RAB38: variants seen among roughly 807,000 people sequenced by gnomAD.
The protein encoded by RAB38 is ras-related protein Rab-38.
RAB38 carries 15 observed loss-of-function variants against 18.4 expected under a neutral mutation model. The observed-to-expected ratio is 0.82, with a 90% CI of 0.55 to 1.26. The LOEUF is 1.26. Among genes scored for constraint, RAB38 ranks in the 50% most tolerant of loss-of-function variants. The pLI, the probability that RAB38 is intolerant of heterozygous loss-of-function variation, is 0.00. For synonymous variants in RAB38, 101 were observed against 104.4 expected, an observed-to-expected ratio of 0.97 and a Z score of 0.20; for missense variants, 294 against 267.4, an observed-to-expected ratio of 1.10 and a Z score of -0.69.
chr11:87,912,675 T>G, the RAB38 span, among the ~76,000 whole-genome samples: 1 of 151,580 alleles, frequency 6.6e-6, no homozygotes, highest in South Asian at 2.1e-4. Flanking sequence ...GATGATTTTC[T>G]CTATTGCTTT....
chr11:88,033,612 C>G, the RAB38 span, among the ~76,000 whole-genome samples: 51 of 151,208 alleles, frequency 3.4e-4, no homozygotes, highest in African/African-American at 1.2e-3. Flanking sequence ...GTCAACGTTT[C>G]CAGTTGTGTT....
At chr11:88,042,719 G>T in the RAB38 span, among the ~76,000 whole-genome samples, 1 of 152,168 alleles carries the variant, frequency 6.6e-6, no homozygotes, top group South Asian at 2.1e-4. Context: ...CAAGCCAGAG[G>T]AGAGTGCAGA....
chr11:88,087,410 T>A, the RAB38 span, among the ~76,000 whole-genome samples: 309 of 152,094 alleles, frequency 2.0e-3, no homozygotes, highest in Non-Finnish European at 3.3e-3. Context: ...TTTACAGGCA[T>A]GGCACTGATG....
chr11:87,947,561 TTGTATA>T, the RAB38 span, among the ~76,000 whole-genome samples: 2 of 152,060 alleles, frequency 1.3e-5, no homozygotes, highest in South Asian at 4.2e-4. Flanking sequence ...GAATTAATTT[TTGTATA>T]AAGTGTAAGG....
At chr11:87,967,581 A>G in the RAB38 span, among the ~76,000 whole-genome samples, 1 of 152,188 alleles carries the variant, frequency 6.6e-6, no homozygotes, top group Non-Finnish European at 1.5e-5. Context: ...AATGCAATAC[A>G]TTAAGAGAAC....
the RAB38 span, among the ~76,000 whole-genome samples, chr11:87,851,397 T>A: frequency 6.6e-6 from 1 of 152,186 alleles, no homozygotes; most frequent in Admixed American, 6.5e-5. Context: ...CACAAGTTAT[T>A]TTTTCCCCAC....
chr11:87,867,896 T>C, the RAB38 span, among the ~76,000 whole-genome samples: 2 of 151,616 alleles, frequency 1.3e-5, no homozygotes, highest in Non-Finnish European at 3.0e-5. Context: ...AGAGATAAGA[T>C]CCAAACCCAA....
At chr11:87,928,960 C>CA in the RAB38 span, among the ~76,000 whole-genome samples, 1 of 151,876 alleles carries the variant, frequency 6.6e-6, no homozygotes, top group African/African-American at 2.4e-5. Flanking sequence ...ACTAAAAATA[C>CA]AAAAAATAGC....
the RAB38 span, among the ~76,000 whole-genome samples, chr11:87,829,790 T>C: frequency 2.0e-5 from 3 of 152,182 alleles, no homozygotes. Flanking sequence ...GCAGTGTGGA[T>C]AGTGAGGTAT....
the RAB38 span, among the ~76,000 whole-genome samples, chr11:87,804,685 C>G: frequency 6.6e-6 from 1 of 152,074 alleles, no homozygotes. Context: ...CCCTCCAAAA[C>G]TTATCTGGGA....
At chr11:88,055,173 G>T in the RAB38 span, among the ~76,000 whole-genome samples, 1 of 152,150 alleles carries the variant, frequency 6.6e-6, no homozygotes, top group Non-Finnish European at 1.5e-5. Flanking sequence ...GGAGTTCAAG[G>T]CTCTAGTGCA....
chr11:87,810,247 T>C, the RAB38 span, among the ~76,000 whole-genome samples: 10 of 152,166 alleles, frequency 6.6e-5, no homozygotes, highest in African/African-American at 2.4e-4. Context: ...TTCAATTATC[T>C]AGATTTTTAT....
chr11:88,173,378 A>G (rs1249698171), intron 1 of RAB38, among the ~76,000 whole-genome samples: 1 of 152,178 alleles, frequency 6.6e-6, no homozygotes, highest in African/African-American at 2.4e-5. Context: ...GTTTACAAGT[A>G]AGGAAACCAA....
At chr11:87,850,974 A>G in the RAB38 span, among the ~76,000 whole-genome samples, 1 of 152,180 alleles carries the variant, frequency 6.6e-6, no homozygotes, top group African/African-American at 2.4e-5. Flanking sequence ...ACAAAGACTG[A>G]TTCAGCTATG....
At chr11:87,973,073 C>T in the RAB38 span, among the ~76,000 whole-genome samples, 3 of 152,062 alleles carry the variant, frequency 2.0e-5, no homozygotes, top group East Asian at 5.8e-4. Flanking sequence ...ATGCTTCCTG[C>T]ACAGCCCACG....
chr11:88,100,480 T>G, the RAB38 span, among the ~76,000 whole-genome samples: 1 of 152,094 alleles, frequency 6.6e-6, no homozygotes, highest in South Asian at 2.1e-4. Flanking sequence ...CAATTGTACT[T>G]GGTATTTCAT....
the RAB38 span, among the ~76,000 whole-genome samples, chr11:87,928,020 G>A: frequency 1.3e-5 from 2 of 151,994 alleles, no homozygotes; most frequent in South Asian, 4.1e-4. Flanking sequence ...TGAGGCTGCA[G>A]TGAGCTATGA....
chr11:87,887,410 GC>G, the RAB38 span, among the ~76,000 whole-genome samples: 1 of 151,278 alleles, frequency 6.6e-6, no homozygotes, highest in Non-Finnish European at 1.5e-5. Flanking sequence ...CATATGCTCC[GC>G]AGAGTGCTGG....
chr11:88,021,869 A>AT, the RAB38 span, among the ~76,000 whole-genome samples: 2 of 149,504 alleles, frequency 1.3e-5, no homozygotes, highest in South Asian at 4.3e-4. Context: ...AAAAAAAAAA[A>AT]GTATTCTTTT....
Sources: gnomAD v4.1 joint callset for allele counts (sites outside exome capture counted in the v4.1 genomes callset) on GRCh38, gnomAD v4.1.1 for gene constraint, MANE v1.5 for transcripts, NCBI Gene and HGNC (gene_info 2026-07-23, HGNC 2026-07-21) for gene names.